Variants in PDZD2 observed in about 807,000 individuals in gnomAD.
PDZD2 encodes the protein PDZ domain-containing protein 2.
In PDZD2, 90 loss-of-function variants were observed where a neutral mutation model predicts 220.7. The ratio of observed to expected loss-of-function variants is 0.41; its 90% CI spans 0.34 to 0.49. PDZD2 has a LOEUF of 0.49. PDZD2 is among the 20% of genes least tolerant of loss of function. PDZD2 has a pLI of 0.28. For synonymous variants in PDZD2, 1,375 were observed against 1,450.5 expected, an observed-to-expected ratio of 0.95 and a Z score of 1.18; for missense variants, 3,174 against 3,608.5, an observed-to-expected ratio of 0.88 and a Z score of 3.08.
In PDZD2 at chr5:32,090,459, G is replaced by A; in HGVS notation, c.7011G>A (p.Gln2337=). ...HESTSFFSVK[Q]RIKSFENLAN... is the part of the protein sequence containing the mutation. ...CTACCTCATTTTTCTCTGTGAAGCA[G>A]CGGATCAAGTCTTTTGAGAACCTGG... The change falls in exon 20 of 25, where the codon CAG becomes CAA. Residue 2337 remains glutamine (Q), a synonymous_variant. Transcript: ENST00000438447. This position sits in a 1 kb window ranked among gnomAD's most constrained non-coding sequence, Gnocchi z 4.3. 1.2e-6 allele frequency: 2 copies of A among 1,614,084 alleles called. No homozygotes were observed. Among genetic ancestry groups the A allele is most frequent in the Non-Finnish European group, 1.7e-6 (2 of 1,180,032 alleles).
intron 3 of PDZD2, among the ~76,000 whole-genome samples, chr5:31,990,957 A>G (rs1363739830): frequency 1.3e-5 from 2 of 152,142 alleles, no homozygotes; most frequent in Non-Finnish European, 2.9e-5. Context: ...AGTGTCAGAA[A>G]AGGGCAGCCC....
Position 31,963,329 on chromosome 5 carries a change from CT to C in PDZD2, c.477-19822del, listed in dbSNP as rs555866861. Among the ~76,000 whole-genome samples the C allele has an allele frequency of 7.2e-3, 1,089 of 152,266 alleles. 6 individuals carry two copies. The highest frequency in any genetic ancestry group is 0.014 in the Middle Eastern group (4 of 294). The stretch of plus-strand genomic sequence containing the variant: ...GGAAAGGGAAAAACTTGATTTTTTC[CT>C]TTTAAAGGAGGCAGATGAGCCAAAA... On this transcript the variant is annotated intron_variant, in intron 2 of 24. Transcript: ENST00000438447.
chr5:31,769,244 C>T (rs1301384422), intron 1 of PDZD2, among the ~76,000 whole-genome samples: 2 of 152,158 alleles, frequency 1.3e-5, no homozygotes, highest in African/African-American at 2.4e-5. Flanking sequence ...AAACCTGGAT[C>T]GAAGCAAATG....
chr5:31,746,280 T>A (rs1244775997), intron 1 of PDZD2, among the ~76,000 whole-genome samples: 1 of 152,156 alleles, frequency 6.6e-6, no homozygotes, highest in Non-Finnish European at 1.5e-5. Flanking sequence ...ACAGATGAGG[T>A]ATAGACCAGC....
At chr5:31,728,920 T>C (rs1313895189) in intron 1 of PDZD2, among the ~76,000 whole-genome samples, 1 of 152,104 alleles carries the variant, frequency 6.6e-6, no homozygotes, top group Non-Finnish European at 1.5e-5. Context: ...AGTGGCACAA[T>C]CACAACTCAC....
intron 7 of PDZD2, among the ~76,000 whole-genome samples, chr5:32,041,013 C>CAT (rs1280678452): frequency 2.0e-5 from 3 of 148,212 alleles, no homozygotes; most frequent in Admixed American, 6.7e-5. Context: ...CCCGGCCGCC[C>CAT]CGTCTGGGAG....
chr5:31,834,023 C>G (rs1181915323), intron 2 of PDZD2, among the ~76,000 whole-genome samples: 1 of 152,222 alleles, frequency 6.6e-6, no homozygotes, highest in Non-Finnish European at 1.5e-5. Flanking sequence ...CACTCTTCCT[C>G]CTCTGATGCA....
At chr5:32,057,857 C>T in intron 11 of PDZD2, 21 bp from the exon 12 acceptor site, 1 of 1,573,630 alleles carries the variant, frequency 6.4e-7, no homozygotes. Context: ...TTCAGCCCAC[C>T]TTTCCTCACT....
intron 6 of PDZD2, among the ~76,000 whole-genome samples, chr5:32,022,185 G>GTTTTT (rs145876120): frequency 5.9e-5 from 8 of 135,588 alleles, no homozygotes; most frequent in Non-Finnish European, 9.4e-5. Flanking sequence ...TTGTTTTTTT[G>GTTTTT]TTTTTTTGTT....
In PDZD2 at chr5:32,048,603, C is replaced by T; in HGVS notation, c.1584C>T (p.Pro528=). ...YNELMVRNGD[P]RIRMLEVSRD... Reference sequence around the variant, plus strand: ...AGCTGATGGTGCGGAATGGGGACCCCCGGATCCGGATGTTGGAGGTCTCCC... The same window carrying T: ...AGCTGATGGTGCGGAATGGGGACCCTCGGATCCGGATGTTGGAGGTCTCCC... Residue 528 remains proline, a synonymous_variant, in exon 8 of 25, where the codon CCC becomes CCT. Transcript: ENST00000438447. 4.3e-6 allele frequency: 7 copies of T among 1,614,076 alleles called. No individual in the cohort carries two copies. Among genetic ancestry groups the T allele is most frequent in the Non-Finnish European group, 5.9e-6 (7 of 1,179,968 alleles).
intron 8 of PDZD2, among the ~76,000 whole-genome samples, chr5:32,051,083 GA>G (rs1299639995): frequency 6.6e-6 from 1 of 152,156 alleles, no homozygotes; most frequent in Non-Finnish European, 1.5e-5. Flanking sequence ...GAAACTCTCT[GA>G]GAGGTTGGTG....
intron 15 of PDZD2, among the ~76,000 whole-genome samples, chr5:32,070,608 T>G (rs1740646116): frequency 6.6e-6 from 1 of 152,262 alleles, no homozygotes; most frequent in African/African-American, 2.4e-5. Context: ...CTCAGTTCTT[T>G]CATGAGTTTC....
chr5:31,742,684 G>T (rs1159307775), intron 1 of PDZD2, among the ~76,000 whole-genome samples: 1 of 152,160 alleles, frequency 6.6e-6, no homozygotes, highest in East Asian at 1.9e-4. Flanking sequence ...TAGTAAACTT[G>T]CAGAGCCATA....
intron 1 of PDZD2, among the ~76,000 whole-genome samples, chr5:31,671,772 C>T (rs781155114): frequency 2.6e-5 from 4 of 152,214 alleles, no homozygotes; most frequent in Non-Finnish European, 5.9e-5. Flanking sequence ...ATGGAGAGCT[C>T]GTTCAACACC....
intron 1 of PDZD2, among the ~76,000 whole-genome samples, chr5:31,658,701 C>A (rs1253094416): frequency 6.6e-6 from 1 of 151,906 alleles, no homozygotes; most frequent in Non-Finnish European, 1.5e-5. Flanking sequence ...CTCACTGCAA[C>A]CTCTGCCTCC....
In PDZD2 at chr5:32,058,028, G is replaced by A; in HGVS notation, c.2125G>A (p.Gly709Ser). The change falls in exon 12 of 25, where the codon GGC (glycine) becomes AGC (serine). Residue 709 changes from glycine to serine, a missense_variant. Physicochemically the swap from Gly to Ser is moderately conservative, Grantham distance 56. This residue lies in a region of PDZD2 where 1,861 missense variants were observed against 2,001.0 expected (regional missense o/e 0.93). Coordinates refer to ENST00000438447, the MANE Select transcript of PDZD2 (RefSeq NM_178140.4). The stretch of plus-strand genomic sequence containing the variant: ...AGCCTCAGCGGGAGGTTCCGATGAA[G>A]GCAGTTCTTCATCCCTGGGTCGGAA... ...GGASAGGSDEGSSSSLGRKTP... is the reference protein window; with the variant it reads ...GGASAGGSDESSSSSLGRKTP... The A allele has an allele frequency of 6.2e-7, 1 of 1,613,384 alleles. No homozygotes were observed. Among genetic ancestry groups the A allele is most frequent in the Non-Finnish European group, 8.5e-7 (1 of 1,179,372 alleles).
intron 1 of PDZD2, among the ~76,000 whole-genome samples, chr5:31,729,222 G>A (rs1013507165): frequency 2.7e-5 from 4 of 148,274 alleles, no homozygotes; most frequent in Non-Finnish European, 4.4e-5. Context: ...TTAGCCTCCC[G>A]AGTAGCTGGG....
At chr5:31,995,779 C>A in intron 4 of PDZD2, 61 bp downstream of exon 4, 8 of 1,454,448 alleles carry the variant, frequency 5.5e-6, no homozygotes, top group Non-Finnish European at 7.6e-6. Flanking sequence ...CCTCTCCCTC[C>A]CCACTGGTGC....
rs112614470 is a variant in PDZD2 at position 31,996,850 on chromosome 5, G to A, written c.1121+1132G>A. On this transcript the variant is annotated intron_variant, in intron 4 of 24. Coordinates refer to ENST00000438447, the MANE Select transcript of PDZD2 (RefSeq NM_178140.4). ...GTGAGCCATCACTGTGCCAGTGTACGCCAGTCTGGGTGACAGAGCAAGAGA... is the reference window on the plus strand; with the variant it reads ...GTGAGCCATCACTGTGCCAGTGTACACCAGTCTGGGTGACAGAGCAAGAGA... 3.3e-5 allele frequency among the ~76,000 whole-genome samples: 5 copies of A among 152,288 alleles called. No individual in the cohort carries two copies. The South Asian group carries it at 8.3e-4, about 25-fold the overall frequency.
Sources: allele counts gnomAD v4.1 joint callset (sites outside exome capture counted in the v4.1 genomes callset), GRCh38; gene constraint gnomAD v4.1.1; regional missense constraint gnomAD v4.1.1; non-coding constraint Gnocchi (gnomAD v3.1); transcripts MANE v1.5; gene names NCBI Gene and HGNC (gene_info 2026-07-23, HGNC 2026-07-21).